TDRD10: variants seen among roughly 807,000 people sequenced by gnomAD.
TDRD10 encodes the protein tudor domain-containing protein 10.
Under a neutral mutation model 48.0 loss-of-function variants are expected in TDRD10, and 40 were observed. That is an observed-to-expected ratio of 0.83 (90% CI 0.65 to 1.09). TDRD10 has a LOEUF of 1.09. TDRD10 is among the 50% of genes least tolerant of loss of function. The probability of loss-of-function intolerance (pLI) is 0.00; values close to 1 mark genes in which losing one functional copy is unlikely to be tolerated. For missense variants in TDRD10, 378 were observed against 434.7 expected (o/e 0.87, Z 1.16); for synonymous variants, 162 against 170.4 (o/e 0.95, Z 0.38).
chr1:154,521,171 G>A (rs1694032682), intron 5 of TDRD10, 152 bp from the exon 6 acceptor site: 9 of 745,212 alleles, frequency 1.2e-5, no homozygotes, highest in Non-Finnish European at 1.8e-5. Flanking sequence ...CCCAAGTCTG[G>A]ACATACTTGT....
Position 154,547,731 on chromosome 1 carries a change from T to C in TDRD10, c.*21T>C. The C allele has an allele frequency of 6.2e-7, 1 of 1,612,830 alleles. No individual in the cohort carries two copies. The highest frequency in any genetic ancestry group is 8.5e-7 in the Non-Finnish European group (1 of 1,179,884). ...AATAACGGGGCTTCCCTCAGCATGT[T>C]CCCTCTCCTGTTTGCCACGGATCCA... On this transcript the variant is annotated 3_prime_UTR_variant, in exon 13 of 13. Transcript: ENST00000368482.
Position 154,520,357 on chromosome 1 carries a change from C to G in TDRD10, c.195C>G (p.Ile65Met). ...TCAACCCTCTTGATGTCCACAAAATCCAGAATGGCTGCAAATGGTAATGAC... is the reference window on the plus strand; with the variant it reads ...TCAACCCTCTTGATGTCCACAAAATGCAGAATGGCTGCAAATGGTAATGAC... The part of the protein sequence containing the change: ...KDFNPLDVHK[I>M]QNGCKCFAFV... The change falls in exon 5 of 13, where the codon ATC becomes ATG. Residue 65 changes from isoleucine to methionine, a missense_variant. Coordinates refer to ENST00000368482, the MANE Select transcript of TDRD10 (RefSeq NM_182499.4). 6.2e-7 allele frequency: 1 copy of G among 1,613,680 alleles called. No homozygotes were observed. The highest frequency in any genetic ancestry group is 8.5e-7 in the Non-Finnish European group (1 of 1,179,592).
intron 6 of TDRD10, among the ~76,000 whole-genome samples, chr1:154,527,613 A>G (rs4131514): frequency 0.79 from 119,416 of 152,062 alleles, 47,619 homozygotes; most frequent in East Asian, 0.92. Context: ...TCTCAGATAG[A>G]ATGAGATTTG....
chr1:154,507,120 A>G (rs1693189745), intron 2 of TDRD10, 121 bp from the exon 3 acceptor site: 3 of 1,538,070 alleles, frequency 2.0e-6, no homozygotes, highest in Non-Finnish European at 2.6e-6. Context: ...GGAGGAAGGG[A>G]AGCCTTTGGT....
intron 6 of TDRD10, among the ~76,000 whole-genome samples, chr1:154,532,477 C>T (rs1694687123): frequency 6.6e-6 from 1 of 152,126 alleles, no homozygotes; most frequent in African/African-American, 2.4e-5. Flanking sequence ...GCCTGCAAGC[C>T]GAGGGAGCCA....
At chr1:154,521,629 G>A in intron 6 of TDRD10, 150 bp downstream of exon 6, 1 of 842,762 alleles carries the variant, frequency 1.2e-6, no homozygotes, top group Non-Finnish European at 1.8e-6. Context: ...GAACTTTTAT[G>A]ACCTTTAACA....
chr1:154,531,378 C>G (rs149625784), intron 6 of TDRD10, among the ~76,000 whole-genome samples: 9 of 152,150 alleles, frequency 5.9e-5, no homozygotes, highest in Non-Finnish European at 4.4e-5. Flanking sequence ...GTAAGTATTA[C>G]AGTTCTTAAA....
intron 4 of TDRD10, among the ~76,000 whole-genome samples, chr1:154,512,099 GA>G (rs1190643929): frequency 6.6e-6 from 1 of 151,598 alleles, no homozygotes; most frequent in Non-Finnish European, 1.5e-5. Flanking sequence ...CCTAATTCCT[GA>G]ATATTTTCAT....
intron 4 of TDRD10, among the ~76,000 whole-genome samples, chr1:154,518,496 C>G (rs975107068): frequency 1.8e-4 from 28 of 152,010 alleles, no homozygotes; most frequent in Admixed American, 3.3e-4. Flanking sequence ...GGTGCGATCT[C>G]GGTTCACTGC....
chr1:154,528,213 T>G (rs1409899167), intron 6 of TDRD10, among the ~76,000 whole-genome samples: 1 of 52,192 alleles, frequency 1.9e-5, no homozygotes, highest in East Asian at 1.2e-3. Flanking sequence ...ACCTCGTCTC[T>G]TAAAAAAAAA....
Position 154,502,236 on chromosome 1 carries a change from G to C in TDRD10, c.-821G>C, listed in dbSNP as rs964263529. 6.1e-5 allele frequency: 16 copies of C among 262,912 alleles called. No homozygotes were observed. In the East Asian group the frequency reaches 1.5e-3, roughly 24 times the overall value. 16.3% of individuals were successfully genotyped at this position (262,912 alleles called of 1,614,324 possible). On this transcript the variant is annotated 5_prime_UTR_variant, in exon 1 of 13. Transcript: ENST00000368482. ...CCGGGCTCGTCTTCAACGCCTGCCC[G>C]GCCCGAGGACACCGTGGCTCTCGGA...
intron 1 of TDRD10, among the ~76,000 whole-genome samples, chr1:154,504,017 A>T (rs1475105319): frequency 4.6e-5 from 7 of 152,230 alleles, no homozygotes; most frequent in Non-Finnish European, 8.8e-5. Flanking sequence ...ATCTCCCGTC[A>T]ATTAGCAGTC....
chr1:154,547,304 C>T (rs1167075554), intron 11 of TDRD10, 105 bp from the exon 12 acceptor site: 27 of 1,181,126 alleles, frequency 2.3e-5, no homozygotes, highest in South Asian at 1.8e-4. Flanking sequence ...AGCTGGTTGG[C>T]GGCCAGAGCA....
At chr1:154,545,350 G>A (rs1454206382) in intron 11 of TDRD10, among the ~76,000 whole-genome samples, 1 of 152,188 alleles carries the variant, frequency 6.6e-6, no homozygotes, top group Non-Finnish European at 1.5e-5. Context: ...AGTGCTAGAC[G>A]CCAGAGCACA....
At chr1:154,521,814 C>T (rs547997318) in intron 6 of TDRD10, among the ~76,000 whole-genome samples, 15 of 152,282 alleles carry the variant, frequency 9.9e-5, no homozygotes, top group African/African-American at 3.4e-4. Flanking sequence ...ACTGTTTGTA[C>T]AGCCTTGTTC....
intron 8 of TDRD10, among the ~76,000 whole-genome samples, chr1:154,543,105 A>G (rs1695339433): frequency 1.3e-5 from 2 of 151,976 alleles, no homozygotes; most frequent in African/African-American, 4.8e-5. Flanking sequence ...GCGAAACCCC[A>G]TCTCTACTAA....
intron 10 of TDRD10, 46 bp from the exon 11 acceptor site, chr1:154,544,749 A>T (rs199789514): frequency 7.9e-5 from 126 of 1,602,062 alleles, no homozygotes; most frequent in Non-Finnish European, 1.1e-4. Context: ...TGTGCATGGC[A>T]CTAGGCGGAA....
intron 6 of TDRD10, among the ~76,000 whole-genome samples, chr1:154,525,968 C>T (rs1483343261): frequency 6.7e-6 from 1 of 148,326 alleles, no homozygotes; most frequent in Non-Finnish European, 1.5e-5. Flanking sequence ...CTTTGGGAGG[C>T]TGAGGCAGGT....
intron 4 of TDRD10, among the ~76,000 whole-genome samples, chr1:154,512,864 G>T (rs1190829854): frequency 1.3e-5 from 2 of 152,174 alleles, no homozygotes; most frequent in African/African-American, 4.8e-5. Context: ...GACAGAGGAG[G>T]TTTTATTCAG....
Sources: gnomAD v4.1 joint callset for allele counts (sites outside exome capture counted in the v4.1 genomes callset) on GRCh38, gnomAD v4.1.1 for gene constraint, MANE v1.5 for transcripts, NCBI Gene and HGNC (gene_info 2026-07-23, HGNC 2026-07-21) for gene names.